HECA: variants seen among roughly 807,000 people sequenced by gnomAD.
HECA encodes the protein HECA ribonucleoprotein granule regulator, also known as headcase protein homolog.
A neutral mutation model predicts 37.6 loss-of-function variants in HECA; 13 were observed. The ratio of observed to expected loss-of-function variants is 0.35; its 90% CI spans 0.23 to 0.55. The LOEUF (loss-of-function observed/expected upper bound fraction) is 0.55. HECA is among the 20% of genes least tolerant of loss of function. The pLI, the probability that HECA is intolerant of heterozygous loss-of-function variation, is 0.90. For missense variants in HECA, 527 were observed against 701.9 expected (o/e 0.75, Z 2.82); for synonymous variants, 307 against 291.5 (o/e 1.05, Z -0.54).
chr6:139,142,865 T>C (rs946234023), intron 1 of HECA, among the ~76,000 whole-genome samples: 1 of 152,138 alleles, frequency 6.6e-6, no homozygotes, highest in Non-Finnish European at 1.5e-5. Flanking sequence ...GGAGAATCAC[T>C]TGAACCCAGG....
At chr6:139,136,431 C>T (rs1352174910) in intron 1 of HECA, among the ~76,000 whole-genome samples, 3 of 152,116 alleles carry the variant, frequency 2.0e-5, no homozygotes, top group African/African-American at 4.8e-5. Flanking sequence ...TTTCTGTTCT[C>T]ATTACAGAGC....
At chr6:139,155,803 C>T (rs930748125) in intron 1 of HECA, 1 of 152,134 alleles carries the variant, frequency 6.6e-6, no homozygotes, top group Non-Finnish European at 1.5e-5. Flanking sequence ...TTTTCTAGTA[C>T]AGTGTGATCC....
intron 1 of HECA, among the ~76,000 whole-genome samples, chr6:139,135,873 G>T (rs1156872876): frequency 6.6e-6 from 1 of 151,666 alleles, no homozygotes; most frequent in Non-Finnish European, 1.5e-5. Flanking sequence ...CGGTGTCCGC[G>T]CGGGGGGCAG....
chr6:139,173,734 T>C (rs180838668), intron 2 of HECA, among the ~76,000 whole-genome samples: 184 of 152,342 alleles, frequency 1.2e-3, no homozygotes, highest in African/African-American at 4.0e-3. Flanking sequence ...CATTAAGATG[T>C]TATCAAATAA....
chr6:139,174,669 A>T, intron 3 of HECA, 130 bp downstream of exon 3: 1 of 1,331,018 alleles, frequency 7.5e-7, no homozygotes, highest in Non-Finnish European at 1.0e-6. Context: ...TACTACTTGT[A>T]ATGTAGTCAT....
chr6:139,173,623 T>C (rs1248304076), intron 2 of HECA, among the ~76,000 whole-genome samples: 1 of 152,190 alleles, frequency 6.6e-6, no homozygotes, highest in Non-Finnish European at 1.5e-5. Flanking sequence ...AATGTTGCTG[T>C]TATACGTTGC....
Position 139,135,292 on chromosome 6 carries a change from C to T in HECA, c.-105C>T. 1.0e-6 allele frequency: 1 copy of T among 970,086 alleles called. No individual in the cohort carries two copies. The highest frequency in any genetic ancestry group is 1.3e-6 in the Non-Finnish European group (1 of 777,194). 60.1% of individuals were successfully genotyped at this position (970,086 alleles called of 1,614,324 possible). ...GCCGAGGGAACCGCCGGCTCGCGCC[C>T]TCCGTTCTTTCCCGGAGCCGGCTTC... is the stretch of plus-strand genomic sequence containing the variant. On this transcript the variant is annotated 5_prime_UTR_variant, in exon 1 of 4. Transcript: ENST00000367658.
intron 1 of HECA, among the ~76,000 whole-genome samples, chr6:139,158,502 C>CA (rs34211036): frequency 0.7 from 91,363 of 130,560 alleles, 31,993 homozygotes; most frequent in African/African-American, 0.8. Context: ...GATTCCATCT[C>CA]AAAAAAAAAA....
At chr6:139,152,087 A>C (rs960874136) in intron 1 of HECA, among the ~76,000 whole-genome samples, 1 of 152,312 alleles carries the variant, frequency 6.6e-6, no homozygotes, top group Admixed American at 6.5e-5. Context: ...TGACACTATT[A>C]TCTTCATCCT....
intron 2 of HECA, 103 bp downstream of exon 2, chr6:139,167,427 T>C (rs1441464800): frequency 1.4e-5 from 14 of 1,010,782 alleles, no homozygotes; most frequent in Non-Finnish European, 1.9e-5. Context: ...AGTGTTGTTT[T>C]TTTGTTCTAG....
rs1389513157 is a variant in HECA, at chr6:139,179,635, CT to C, written c.*2531del. On this transcript the variant is annotated 3_prime_UTR_variant, in exon 4 of 4. Transcript: ENST00000367658. ...ATTCTTGTCTAGAGGGAAAATCTGG[CT>C]GATTTGGGAATAAAATATAATCGAA... The C allele has an allele frequency of 4.6e-5, 7 of 152,106 alleles. No homozygotes were observed. The highest frequency in any genetic ancestry group is 1.4e-4 in the African/African-American group (6 of 41,398). 9.4% of individuals were successfully genotyped at this position (152,106 alleles called of 1,614,324 possible). A position where few individuals can be genotyped will look rare whatever the true frequency, so the allele number is the denominator to read the frequency against.
chr6:139,165,705 A>G (rs531998630), intron 1 of HECA, among the ~76,000 whole-genome samples: 33 of 152,118 alleles, frequency 2.2e-4, no homozygotes, highest in African/African-American at 7.5e-4. Flanking sequence ...TCCCATATCC[A>G]TGAATCATGT....
chr6:139,152,262 A>G (rs1774660247), intron 1 of HECA, among the ~76,000 whole-genome samples: 1 of 152,198 alleles, frequency 6.6e-6, no homozygotes, highest in Non-Finnish European at 1.5e-5. Flanking sequence ...AACAGGTAAA[A>G]TAGAAACCTA....
chr6:139,166,691 C>A lies in HECA; in HGVS notation c.679C>A (p.Pro227Thr). 2 of 1,613,158 alleles carry A rather than the reference C, an allele frequency of 1.2e-6. No individual in the cohort carries two copies. The highest frequency in any genetic ancestry group is 1.7e-6 in the Non-Finnish European group (2 of 1,179,548). The change falls in exon 2 of 4, where the codon CCC becomes ACC. Residue 227 changes from proline to threonine, a missense_variant. Physicochemically the swap from Pro to Thr is conservative, Grantham distance 38 (BLOSUM62 -1). This residue lies in a region of HECA where 228 missense variants were observed against 259.8 expected (regional missense o/e 0.88). Transcript: ENST00000367658. ...GGCGGAGGAGGCAAAAAAGTGCAGG[C>A]CCCCAAATAAGCCCCAGAAAGGCCC... Reference protein sequence around the residue: ...EAAEEAKKCRPPNKPQKGPSH... With the variant: ...EAAEEAKKCRTPNKPQKGPSH...
intron 1 of HECA, among the ~76,000 whole-genome samples, chr6:139,141,081 C>T (rs1263054792): frequency 2.0e-5 from 3 of 152,174 alleles, no homozygotes; most frequent in South Asian, 2.1e-4. Context: ...TGAGCCAGCG[C>T]GCCCGGCCCT....
chr6:139,144,954 T>TG (rs1774564995), intron 1 of HECA, among the ~76,000 whole-genome samples: 1 of 152,162 alleles, frequency 6.6e-6, no homozygotes, highest in Admixed American at 6.5e-5. Flanking sequence ...TAGATGCCAG[T>TG]GGGAGGGATT....
chr6:139,160,030 T>C (rs942977969), intron 1 of HECA, among the ~76,000 whole-genome samples: 2 of 152,176 alleles, frequency 1.3e-5, no homozygotes, highest in Non-Finnish European at 2.9e-5. Flanking sequence ...CACAGAGTTC[T>C]CAAGTGAGGG....
At chr6:139,139,605 A>G (rs573071377) in intron 1 of HECA, among the ~76,000 whole-genome samples, 2 of 152,348 alleles carry the variant, frequency 1.3e-5, no homozygotes, top group East Asian at 1.9e-4. Flanking sequence ...CATCTGTAAC[A>G]GAGACCCCAG....
At chr6:139,144,899 T>C (rs1774564408) in intron 1 of HECA, among the ~76,000 whole-genome samples, 1 of 152,134 alleles carries the variant, frequency 6.6e-6, no homozygotes, top group Non-Finnish European at 1.5e-5. Context: ...GCCCAGTGCT[T>C]TCTGAGCCAT....
Sources: allele counts gnomAD v4.1 joint callset (sites outside exome capture counted in the v4.1 genomes callset), GRCh38; gene constraint gnomAD v4.1.1; regional missense constraint gnomAD v4.1.1; transcripts MANE v1.5; gene names NCBI Gene and HGNC (gene_info 2026-07-23, HGNC 2026-07-21).